The following PLEKHA5 variants were observed in gnomAD, a reference collection of about 807,000 sequenced individuals.
PLEKHA5 encodes pleckstrin homology domain-containing family A member 5.
PLEKHA5 carries 55 observed loss-of-function variants against 181.9 expected under a neutral mutation model. The ratio of observed to expected loss-of-function variants is 0.30; its 90% CI spans 0.24 to 0.38. The LOEUF (loss-of-function observed/expected upper bound fraction) is 0.38. PLEKHA5 is among the 10% of genes least tolerant of loss of function. PLEKHA5 has a pLI of 1.00. For synonymous variants in PLEKHA5, 535 were observed against 529.4 expected, an observed-to-expected ratio of 1.01 and a Z score of -0.15; for missense variants, 1,432 against 1,549.5, an observed-to-expected ratio of 0.92 and a Z score of 1.27.
intron 3 of PLEKHA5, among the ~76,000 whole-genome samples, chr12:19,190,544 A>G (rs1347145022): frequency 6.6e-6 from 1 of 152,234 alleles, no homozygotes; most frequent in Non-Finnish European, 1.5e-5. Context: ...AAGTCTTAGT[A>G]GGAAATATAG....
intron 21 of PLEKHA5, among the ~76,000 whole-genome samples, chr12:19,340,434 C>G (rs1555167430): frequency 3.2e-5 from 4 of 125,330 alleles, no homozygotes; most frequent in Non-Finnish European, 5.6e-5. Flanking sequence ...GCCCGGCCAC[C>G]ACCCCGTCTG....
At chr12:19,285,833 A>G (rs892718695) in intron 12 of PLEKHA5, among the ~76,000 whole-genome samples, 1 of 152,248 alleles carries the variant, frequency 6.6e-6, no homozygotes, top group African/African-American at 2.4e-5. Flanking sequence ...GTAAATGCAT[A>G]AAGCATTTCT....
intron 3 of PLEKHA5, among the ~76,000 whole-genome samples, chr12:19,249,828 T>TCCAGG (rs2064788776): frequency 6.6e-6 from 1 of 152,204 alleles, no homozygotes; most frequent in Non-Finnish European, 1.5e-5. Context: ...GCCATTGTTT[T>TCCAGG]CTGCTACCTC....
chr12:19,253,092 G>T (rs1163679114), intron 3 of PLEKHA5, among the ~76,000 whole-genome samples: 2 of 19,918 alleles, frequency 1.0e-4, no homozygotes, highest in Non-Finnish European at 2.5e-4. Flanking sequence ...TTTTTTTTTG[G>T]GAGACAGAGG....
intron 29 of PLEKHA5, among the ~76,000 whole-genome samples, chr12:19,363,403 A>C (rs1229801916): frequency 6.6e-6 from 1 of 150,922 alleles, no homozygotes; most frequent in East Asian, 2.0e-4. Context: ...CTCCTGACTC[A>C]TGATCAGCCC....
intron 20 of PLEKHA5, among the ~76,000 whole-genome samples, chr12:19,328,558 AGTGTGTGT>A (rs56041821): frequency 0.083 from 11,807 of 141,712 alleles, 600 homozygotes; most frequent in Admixed American, 0.16. Context: ...CTTTCCTAGG[AGTGTGTGT>A]GTGTGTGTGT....
At chr12:19,298,408 C>CTTTTTTTTTTTTTTTTT (rs533661916) in intron 15 of PLEKHA5, among the ~76,000 whole-genome samples, 11 of 106,312 alleles carry the variant, frequency 1.0e-4, no homozygotes, top group East Asian at 8.3e-4. Context: ...ATTTTTTTAG[C>CTTTTTTTTTTTTTTTTT]TTTTTTTTTT....
chr12:19,200,266 G>T lies in PLEKHA5; in HGVS notation c.228-53674G>T, dbSNP rs752755439. On this transcript the variant is annotated intron_variant, in intron 3 of 31. Coordinates refer to ENST00000429027, the MANE Select transcript of PLEKHA5 (RefSeq NM_001256470.2). ...CCCCTTAAATATGTATAGATATTATGTACCAATAAAAAAAAATTTAAACAT... is the reference window on the plus strand; with the variant it reads ...CCCCTTAAATATGTATAGATATTATTTACCAATAAAAAAAAATTTAAACAT... 1.4e-5 allele frequency: 17 copies of T among 1,221,952 alleles called. No individual in the cohort carries two copies. The Admixed American group carries it at 2.9e-4, about 21-fold the overall frequency. The allele number at this position is 1,221,952 out of a possible 1,614,324, so 75.7% of individuals were successfully genotyped here.
intron 25 of PLEKHA5, 46 bp downstream of exon 25, chr12:19,348,565 G>A (rs1357451381): frequency 1.4e-6 from 2 of 1,452,642 alleles, no homozygotes; most frequent in East Asian, 2.5e-5. Flanking sequence ...TGTTTTTGAA[G>A]ACAATTTACT....
intron 21 of PLEKHA5, among the ~76,000 whole-genome samples, chr12:19,340,493 G>A (rs1415892103): frequency 0.012 from 1,474 of 126,610 alleles, no homozygotes; most frequent in African/African-American, 0.023. Context: ...TGACAATGGC[G>A]GTTTTGTGGA....
chr12:19,363,810 A>G (rs545720178), intron 29 of PLEKHA5, among the ~76,000 whole-genome samples: 2 of 152,132 alleles, frequency 1.3e-5, no homozygotes, highest in Admixed American at 6.6e-5. Flanking sequence ...CCTTAAGAGT[A>G]TATCTTCAAT....
chr12:19,207,477 C>T (rs2055862686), intron 3 of PLEKHA5: 1 of 152,140 alleles, frequency 6.6e-6, no homozygotes, highest in Non-Finnish European at 1.5e-5. Flanking sequence ...TTACATTCAT[C>T]TGCTCATTTA....
intron 3 of PLEKHA5, among the ~76,000 whole-genome samples, chr12:19,156,214 G>GT (rs60021967): frequency 0.88 from 127,615 of 145,072 alleles, 57,030 homozygotes; most frequent in Non-Finnish European, 0.97. Flanking sequence ...TCCTTTTTTT[G>GT]TTTTTTTTTT....
intron 20 of PLEKHA5, among the ~76,000 whole-genome samples, chr12:19,334,240 A>G (rs10743319): frequency 0.97 from 147,257 of 152,204 alleles, 71,414 homozygotes; most frequent in Middle Eastern, 1. Flanking sequence ...GAGGAGCTGA[A>G]GTAAAGACAG....
chr12:19,281,226 C>CAA (rs199800119), intron 11 of PLEKHA5, among the ~76,000 whole-genome samples: 3 of 96,506 alleles, frequency 3.1e-5, no homozygotes, highest in South Asian at 3.2e-4. Flanking sequence ...GAATCCATCT[C>CAA]AAAAAAAAAA....
At chr12:19,291,752 TAA>T in intron 15 of PLEKHA5, 55 bp downstream of exon 15, 2 of 930,428 alleles carry the variant, frequency 2.1e-6, no homozygotes, top group South Asian at 3.2e-5. Context: ...TTCTTAAATA[TAA>T]TACAGTTTTT....
intron 3 of PLEKHA5, among the ~76,000 whole-genome samples, chr12:19,194,753 C>T (rs1445492403): frequency 1.3e-5 from 2 of 152,140 alleles, no homozygotes; most frequent in African/African-American, 4.8e-5. Context: ...TGAACAAGGA[C>T]AAGTGCTCTA....
intron 15 of PLEKHA5, chr12:19,306,354 G>T: frequency 4.4e-6 from 2 of 449,774 alleles, no homozygotes; most frequent in Non-Finnish European, 8.8e-6. Context: ...GTTTTCTCGT[G>T]CTCTCCAACT....
In PLEKHA5 at chr12:19,361,600, A is replaced by G; in HGVS notation, c.3502A>G (p.Ile1168Val). The change falls in exon 29 of 32, where the codon ATT (isoleucine) becomes GTT (valine). Residue 1168 changes from isoleucine to valine, a missense_variant. Physicochemically the swap from Ile to Val is conservative, Grantham distance 29. This residue lies in a region of PLEKHA5 where 1,143 missense variants were observed against 1,168.4 expected (regional missense o/e 0.98). Coordinates refer to ENST00000429027, the MANE Select transcript of PLEKHA5 (RefSeq NM_001256470.2). ...TCTACAGTTAAAAAAAACTGAAAAC[A>G]TTTCATATGAAATGCTTTTTGAACC... Reference protein sequence around the residue: ...FSKELKKTENISYEMLFEPEP... With the variant: ...FSKELKKTENVSYEMLFEPEP... 6.6e-7 allele frequency: 1 copy of G among 1,510,020 alleles called. No homozygotes were observed. The highest frequency in any genetic ancestry group is 9.1e-7 in the Non-Finnish European group (1 of 1,099,936). 93.5% of individuals were successfully genotyped at this position (1,510,020 alleles called of 1,614,324 possible). A position where few individuals can be genotyped will look rare whatever the true frequency, so the allele number is the denominator to read the frequency against.
Sources: gnomAD v4.1 joint callset for allele counts (sites outside exome capture counted in the v4.1 genomes callset) on GRCh38, gnomAD v4.1.1 for gene constraint, gnomAD v4.1.1 regional missense constraint, MANE v1.5 for transcripts, NCBI Gene and HGNC (gene_info 2026-07-23, HGNC 2026-07-21) for gene names.